Variants in ZNF334 observed in about 807,000 individuals in gnomAD.
The protein encoded by ZNF334 is zinc finger protein 334.
A neutral mutation model predicts 12.4 loss-of-function variants in ZNF334; 14 were observed. The observed-to-expected ratio is 1.13, with a 90% CI of 0.74 to 1.76. The LOEUF (loss-of-function observed/expected upper bound fraction) is 1.76. Among genes scored for constraint, ZNF334 ranks in the 40% most tolerant of loss-of-function variants. The pLI is 0.00. For synonymous variants in ZNF334, 273 were observed against 269.6 expected, an observed-to-expected ratio of 1.01 and a Z score of -0.12; for missense variants, 797 against 804.5, an observed-to-expected ratio of 0.99 and a Z score of 0.11.
Position 46,501,516 on chromosome 20 carries a change from G to C in ZNF334, c.1823C>G (p.Ser608Cys), listed in dbSNP as rs775946076. 2 of 1,613,886 alleles carry C rather than the reference G, an allele frequency of 1.2e-6. No homozygotes were observed. Among genetic ancestry groups the C allele is most frequent in the Admixed American group, 3.3e-5 (2 of 60,010 alleles). The change falls in exon 5 of 5, where the codon TCC becomes TGC. Residue 608 changes from serine to cysteine, a missense_variant. Coordinates refer to ENST00000692313, the MANE Select transcript of ZNF334 (RefSeq NM_001353824.2). ...KPYECNECGKSFCHKSAFRVH... is the reference protein window; with the variant it reads ...KPYECNECGKCFCHKSAFRVH... Reference sequence around the variant, plus strand: ...TCTGAAGGCTGACTTATGGCAGAAGGATTTCCCACATTCATTACATTCATA... The same window carrying C: ...TCTGAAGGCTGACTTATGGCAGAAGCATTTCCCACATTCATTACATTCATA...
the ZNF334 span, chr20:46,463,876 C>T: frequency 2.2e-6 from 1 of 444,648 alleles, no homozygotes; most frequent in South Asian, 1.8e-5. Context: ...GGCCAGTTCA[C>T]ATGCCACGCA....
At chr20:46,490,635 T>C in the ZNF334 span, among the ~76,000 whole-genome samples, 2 of 152,224 alleles carry the variant, frequency 1.3e-5, no homozygotes, top group African/African-American at 2.4e-5. Context: ...CAATGGCCAC[T>C]GTTGATCACT....
the ZNF334 span, among the ~76,000 whole-genome samples, chr20:46,467,486 C>G: frequency 2.0e-5 from 3 of 152,176 alleles, no homozygotes; most frequent in African/African-American, 4.8e-5. Context: ...ACACTAATAT[C>G]CCCCTAGGAG....
chr20:46,497,713 G>C (rs2061047070), downstream of ZNF334, among the ~76,000 whole-genome samples: 1 of 152,162 alleles, frequency 6.6e-6, no homozygotes, highest in African/African-American at 2.4e-5. Flanking sequence ...TGGCAAAACT[G>C]AAACTAAATG....
At chr20:46,497,032 G>A (rs1015376469), downstream of ZNF334, among the ~76,000 whole-genome samples, 1 of 152,166 alleles carries the variant, frequency 6.6e-6, no homozygotes, top group Admixed American at 6.5e-5. Context: ...GTCAAATCTT[G>A]ATAACAAATT....
chr20:46,464,993 A>T, the ZNF334 span: 3 of 432,858 alleles, frequency 6.9e-6, no homozygotes, highest in Non-Finnish European at 1.4e-5. Context: ...AGCGGCCTCC[A>T]TAAACACAGT....
rs1463439321 is a variant in ZNF334, at chr20:46,512,067, C to G, written c.21+15G>C. On this transcript the variant is annotated intron_variant, in intron 2 of 4. Transcript: ENST00000692313. ...TCACTGTATAATGTGAGAAGTAAAT[C>G]CCTGAGCAACTTACCTGAAATTTTT... The G allele has an allele frequency of 6.2e-7, 1 of 1,613,346 alleles. No homozygotes were observed. Among genetic ancestry groups the G allele is most frequent in the Non-Finnish European group, 8.5e-7 (1 of 1,179,458 alleles).
chr20:46,488,808 T>G, the ZNF334 span, among the ~76,000 whole-genome samples: 6 of 151,814 alleles, frequency 4.0e-5, no homozygotes, highest in African/African-American at 7.2e-5. Flanking sequence ...TTAATAGTTT[T>G]TTTTTTTTTT....
At chr20:46,469,195 C>T in the ZNF334 span, among the ~76,000 whole-genome samples, 1 of 151,966 alleles carries the variant, frequency 6.6e-6, no homozygotes, top group African/African-American at 2.4e-5. Flanking sequence ...AAGAAAAACC[C>T]AGAATCATAA....
the ZNF334 span, among the ~76,000 whole-genome samples, chr20:46,466,630 C>T: frequency 0.013 from 1,959 of 152,180 alleles, 39 homozygotes; most frequent in African/African-American, 0.045. Context: ...ATTACAGGTA[C>T]GCACCATCGC....
At chr20:46,511,323 G>A (rs2061642403) in intron 2 of ZNF334, among the ~76,000 whole-genome samples, 1 of 152,080 alleles carries the variant, frequency 6.6e-6, no homozygotes, top group Non-Finnish European at 1.5e-5. Flanking sequence ...TAGGGAGGGG[G>A]CAGTCATACT....
the ZNF334 span, among the ~76,000 whole-genome samples, chr20:46,477,623 C>T: frequency 4.6e-5 from 7 of 152,202 alleles, no homozygotes; most frequent in Admixed American, 1.3e-4. Context: ...AGGTATGAGC[C>T]GCCATGGCTG....
the ZNF334 span, chr20:46,474,593 A>T: frequency 6.6e-6 from 1 of 151,542 alleles, no homozygotes; most frequent in Admixed American, 6.6e-5. Flanking sequence ...CATCTGTAGG[A>T]GTTTAAAGTC....
chr20:46,491,729 G>C, the ZNF334 span: 2 of 152,950 alleles, frequency 1.3e-5, no homozygotes, highest in Non-Finnish European at 2.9e-5. Context: ...TCATACGGGA[G>C]AGAGACCTTA....
chr20:46,482,338 G>A, the ZNF334 span, among the ~76,000 whole-genome samples: 1 of 152,200 alleles, frequency 6.6e-6, no homozygotes, highest in Non-Finnish European at 1.5e-5. Flanking sequence ...GTTTCCATTA[G>A]AGGACAGGCT....
chr20:46,490,302 C>T, the ZNF334 span, among the ~76,000 whole-genome samples: 59 of 152,268 alleles, frequency 3.9e-4, no homozygotes, highest in Non-Finnish European at 7.2e-4. Context: ...AATAGAGCAT[C>T]GGCCCAATCA....
chr20:46,479,343 A>T, the ZNF334 span, among the ~76,000 whole-genome samples: 14 of 152,198 alleles, frequency 9.2e-5, no homozygotes, highest in Non-Finnish European at 2.1e-4. Context: ...CAAAACAAAA[A>T]TCCCAGGCCC....
At chr20:46,488,419 T>A in the ZNF334 span, among the ~76,000 whole-genome samples, 158 of 102,178 alleles carry the variant, frequency 1.5e-3, 3 homozygotes, top group African/African-American at 6.2e-3. Context: ...AGCTCTTATT[T>A]TATATATATA....
chr20:46,501,811 T>C lies in ZNF334; in HGVS notation c.1528A>G (p.Met510Val), dbSNP rs748471332. 6.2e-7 allele frequency: 1 copy of C among 1,614,044 alleles called. No individual in the cohort carries two copies. Among genetic ancestry groups the C allele is most frequent in the Non-Finnish European group, 8.5e-7 (1 of 1,180,026 alleles). ...VKSNCSQCKR[M>V]NTKENLYECS... ...TCATAAAGATTCTCCTTTGTGTTCATTCTCTTACACTGACTGCAGTTTGAC... is the reference window on the plus strand; with the variant it reads ...TCATAAAGATTCTCCTTTGTGTTCACTCTCTTACACTGACTGCAGTTTGAC... The change falls in exon 5 of 5, where the codon ATG becomes GTG. Residue 510 changes from methionine to valine, a missense_variant. Coordinates refer to ENST00000692313, the MANE Select transcript of ZNF334 (RefSeq NM_001353824.2).
Sources: gnomAD v4.1 joint callset for allele counts (sites outside exome capture counted in the v4.1 genomes callset) on GRCh38, gnomAD v4.1.1 for gene constraint, MANE v1.5 for transcripts, NCBI Gene and HGNC (gene_info 2026-07-23, HGNC 2026-07-21) for gene names.